The following ADGRL2 variants were observed in gnomAD, a reference collection of about 807,000 sequenced individuals.
ADGRL2 encodes calcium-independent alpha-latrotoxin receptor 2.
A neutral mutation model predicts 157.4 loss-of-function variants in ADGRL2; 44 were observed. The ratio of observed to expected loss-of-function variants is 0.28; its 90% CI spans 0.22 to 0.36. The LOEUF is 0.36. Ranked by LOEUF, ADGRL2 falls within the 10% of genes least tolerant of loss-of-function variation. The pLI is 1.00. For synonymous variants in ADGRL2, 585 were observed against 624.7 expected, an observed-to-expected ratio of 0.94 and a Z score of 0.95; for missense variants, 1,510 against 1,768.9, an observed-to-expected ratio of 0.85 and a Z score of 2.63.
At chr1:81,504,137 G>A (rs574779045) in intron 2 of ADGRL2, among the ~76,000 whole-genome samples, 14 of 152,304 alleles carry the variant, frequency 9.2e-5, no homozygotes, top group Non-Finnish European at 1.8e-4. Flanking sequence ...TGATGGGAAG[G>A]CAGAGCCTCG....
chr1:81,531,666 GA>G (rs528265846), intron 2 of ADGRL2, among the ~76,000 whole-genome samples: 5 of 152,090 alleles, frequency 3.3e-5, no homozygotes, highest in South Asian at 2.1e-4. Flanking sequence ...TAGATCGGGG[GA>G]AAAAAACAGA....
chr1:81,850,124 T>C (rs952018153), intron 2 of ADGRL2, among the ~76,000 whole-genome samples: 2 of 151,976 alleles, frequency 1.3e-5, no homozygotes, highest in African/African-American at 4.8e-5. Flanking sequence ...TAAACTTAAT[T>C]ACTGGTGCTG....
At chr1:81,581,311 C>G (rs2080901693) in intron 3 of ADGRL2, among the ~76,000 whole-genome samples, 1 of 152,112 alleles carries the variant, frequency 6.6e-6, no homozygotes. Flanking sequence ...GTGTTTTCAT[C>G]CTTCAAATCA....
intron 3 of ADGRL2, among the ~76,000 whole-genome samples, chr1:81,664,707 A>G (rs375497365): frequency 1.3e-5 from 2 of 152,158 alleles, no homozygotes; most frequent in Non-Finnish European, 2.9e-5. Context: ...TTAAGAAACT[A>G]TTTTTATTTT....
chr1:81,981,052 C>A, intron 18 of ADGRL2: 1 of 426,306 alleles, frequency 2.3e-6, no homozygotes, highest in Non-Finnish European at 4.4e-6. Flanking sequence ...TATATAAATG[C>A]TTTCTTATTA....
intron 1 of ADGRL2, among the ~76,000 whole-genome samples, chr1:81,311,592 G>A (rs1659760100): frequency 6.6e-6 from 1 of 152,130 alleles, no homozygotes; most frequent in Non-Finnish European, 1.5e-5. Context: ...GTTAGCTTAT[G>A]TTATATATTT....
rs770320770 is a variant in ADGRL2 at position 81,951,041 on chromosome 1, A to T, written c.1528A>T (p.Ile510Phe). The T allele has an allele frequency of 2.4e-5, 38 of 1,612,846 alleles. No homozygotes were observed. Among genetic ancestry groups the T allele is most frequent in the Non-Finnish European group, 2.8e-5 (33 of 1,179,052 alleles). ...TRGTASYLCM[I>F]STGTWNPKGP... ...AGGAACTGCCTCATATCTCTGCATG[A>T]TTTCCACTGGAACATGGAACCCTAA... Residue 510 changes from isoleucine to phenylalanine, a missense_variant, in exon 8 of 24, where the codon ATT (isoleucine) becomes TTT (phenylalanine). Coordinates refer to ENST00000686636, the MANE Select transcript of ADGRL2 (RefSeq NM_001366006.2).
intron 2 of ADGRL2, among the ~76,000 whole-genome samples, chr1:81,853,240 G>A (rs1384210084): frequency 6.6e-6 from 1 of 152,132 alleles, no homozygotes; most frequent in African/African-American, 2.4e-5. Context: ...CACTAATCGA[G>A]AGAGTGCCAG....
At position 81,915,249 on chromosome 1, in the gene ADGRL2, A is replaced by C. The variant is rs1414189947; in HGVS notation, c.287+8019A>C. On this transcript the variant is annotated intron_variant, in intron 3 of 23. Coordinates refer to ENST00000686636, the MANE Select transcript of ADGRL2 (RefSeq NM_001366006.2). ...TGCCACCACACCCAGCTAATTTTTGAAAAGTTTTTTTACAGACAGGGTTTC... is the reference window on the plus strand; with the variant it reads ...TGCCACCACACCCAGCTAATTTTTGCAAAGTTTTTTTACAGACAGGGTTTC... Among the ~76,000 whole-genome samples the C allele has an allele frequency of 4.6e-5, 7 of 151,954 alleles. No homozygotes were observed. In the East Asian group the frequency reaches 9.7e-4, roughly 21 times the overall value.
At chr1:81,729,315 A>G (rs2084644103) in intron 1 of ADGRL2, among the ~76,000 whole-genome samples, 1 of 152,040 alleles carries the variant, frequency 6.6e-6, no homozygotes, top group South Asian at 2.1e-4. Context: ...ACAATTTTCT[A>G]AAGTTTATTT....
chr1:81,335,711 C>T (rs1257256619), intron 1 of ADGRL2, among the ~76,000 whole-genome samples: 3 of 152,082 alleles, frequency 2.0e-5, no homozygotes, highest in African/African-American at 7.2e-5. Flanking sequence ...GTATGCATTT[C>T]TTTCACCATC....
chr1:81,446,821 T>C (rs1270281531), intron 2 of ADGRL2, among the ~76,000 whole-genome samples: 5 of 152,176 alleles, frequency 3.3e-5, no homozygotes. Context: ...ATATGTGAAA[T>C]TGATATTTTG....
At chr1:81,835,063 T>C (rs1272323019) in intron 1 of ADGRL2, among the ~76,000 whole-genome samples, 2 of 152,094 alleles carry the variant, frequency 1.3e-5, no homozygotes, top group Admixed American at 1.3e-4. Context: ...TTCCTCCTCC[T>C]TCCCACAAAC....
In ADGRL2 at chr1:81,817,270, G is replaced by A. The variant is rs541294369; in HGVS notation, c.-101+16202G>A. Reference sequence around the variant, plus strand: ...AAACAGCTTTAAAGGTAGGCCTTCCGTCCCATTTTTTTTTTTTGGTAAGAT... The same window carrying A: ...AAACAGCTTTAAAGGTAGGCCTTCCATCCCATTTTTTTTTTTTGGTAAGAT... On this transcript the variant is annotated intron_variant, in intron 1 of 23. Coordinates refer to ENST00000686636, the MANE Select transcript of ADGRL2 (RefSeq NM_001366006.2). Among the ~76,000 whole-genome samples the A allele has an allele frequency of 1.7e-4, 25 of 149,244 alleles. No homozygotes were observed. The South Asian group carries it at 4.2e-3, about 25-fold the overall frequency.
intron 8 of ADGRL2, 56 bp from the exon 9 acceptor site, chr1:81,951,901 A>G (rs1408917556): frequency 7.2e-7 from 1 of 1,390,966 alleles, no homozygotes; most frequent in Non-Finnish European, 9.8e-7. Flanking sequence ...AAGGAGAACT[A>G]GAAGCTGTAA....
At chr1:81,881,317 A>G (rs995441836) in intron 2 of ADGRL2, among the ~76,000 whole-genome samples, 40 of 152,192 alleles carry the variant, frequency 2.6e-4, no homozygotes, top group African/African-American at 9.6e-4. Flanking sequence ...CTGAGACTAC[A>G]GGAGCCCGCC....
chr1:81,474,680 A>G (rs2078237163), intron 2 of ADGRL2, among the ~76,000 whole-genome samples: 1 of 152,132 alleles, frequency 6.6e-6, no homozygotes, highest in South Asian at 2.1e-4. Flanking sequence ...ACTCTTTTAC[A>G]TTTTCCTTGC....
chr1:81,602,359 C>T (rs541755755), intron 3 of ADGRL2, among the ~76,000 whole-genome samples: 1 of 152,214 alleles, frequency 6.6e-6, no homozygotes, highest in African/African-American at 2.4e-5. Context: ...CTTTGGGAGG[C>T]TGAGGCAGGT....
At chr1:81,329,120 T>C (rs913146232) in intron 1 of ADGRL2, among the ~76,000 whole-genome samples, 16 of 152,112 alleles carry the variant, frequency 1.1e-4, no homozygotes, top group African/African-American at 3.9e-4. Context: ...GTTCCCACTG[T>C]CTAACTGCTC....
Sources: gnomAD v4.1 joint callset for allele counts (sites outside exome capture counted in the v4.1 genomes callset) on GRCh38, gnomAD v4.1.1 for gene constraint, MANE v1.5 for transcripts, NCBI Gene and HGNC (gene_info 2026-07-23, HGNC 2026-07-21) for gene names.